ZNF358: variants seen among roughly 807,000 people sequenced by gnomAD.
The protein encoded by ZNF358 is zinc finger protein 358.
ZNF358 carries 1 observed loss-of-function variant against 2.1 expected under a neutral mutation model. The observed-to-expected ratio is 0.49, with a 90% CI of 0.17 to 2.30. The LOEUF (loss-of-function observed/expected upper bound fraction) is 2.30, where lower values mean the gene tolerates loss of function less well. Ranked by LOEUF, ZNF358 falls within the 30% of genes most tolerant of loss-of-function variation. The pLI, the probability that ZNF358 is intolerant of heterozygous loss-of-function variation, is 0.26. For missense variants in ZNF358, 665 were observed against 806.8 expected, an observed-to-expected ratio of 0.82 and a Z score of 2.13; for synonymous variants, 381 against 359.7, an observed-to-expected ratio of 1.06 and a Z score of -0.67.
chr19:7,520,098 A>G lies in ZNF358; in HGVS notation c.856A>G (p.Thr286Ala). 1 of 1,592,972 alleles carries G rather than the reference A, an allele frequency of 6.3e-7. No homozygotes were observed. The highest frequency in any genetic ancestry group is 8.5e-7 in the Non-Finnish European group (1 of 1,176,314). ...GCTGCTCAAACACCTGCGCACGCAC[A>G]CGGGCGAGCGGCCCTACCCGTGTCC... ...SALLKHLRTH[T>A]GERPYPCPQC... Residue 286 changes from threonine to alanine, a missense_variant, in exon 2 of 2, where the codon ACG (threonine) becomes GCG (alanine). Thr to Ala is a moderately conservative substitution (Grantham distance 58). Coordinates refer to ENST00000597229, the MANE Select transcript of ZNF358 (RefSeq NM_018083.5). This position sits in a 1 kb window ranked among gnomAD's most constrained non-coding sequence, Gnocchi z 6.0.
At chr19:7,519,173 C>A (rs550932786) in intron 1 of ZNF358, 32 bp from the exon 2 acceptor site, 345 of 1,544,526 alleles carry the variant, frequency 2.2e-4, no homozygotes, top group South Asian at 1.3e-3. Flanking sequence ...CAGAACCCAC[C>A]TACCCTCTAC....
intron 1 of ZNF358, among the ~76,000 whole-genome samples, chr19:7,517,848 G>A (rs1334145015): frequency 1.3e-5 from 2 of 151,908 alleles, no homozygotes; most frequent in Non-Finnish European, 2.9e-5. Context: ...AGGGATACCT[G>A]ATGTTATTTG....
rs768321971 is a variant in ZNF358 at position 7,520,038 on chromosome 19, C to A, written c.796C>A (p.Pro266Thr). ...CGGCGGCCCGCGGCCCCACAAGTGC[C>A]CGGTGTGCGCCAAGGGCTTCGGCCA... ...THGGPRPHKC[P>T]VCAKGFGQGS... The change falls in exon 2 of 2, where the codon CCG (proline) becomes ACG (threonine). Residue 266 changes from proline (P) to threonine (T), a missense_variant. By Grantham distance (38) the Pro-to-Thr change is conservative (BLOSUM62 -1). Coordinates refer to ENST00000597229, the MANE Select transcript of ZNF358 (RefSeq NM_018083.5). This position sits in a 1 kb window ranked among gnomAD's most constrained non-coding sequence, Gnocchi z 6.0. The A allele has an allele frequency of 6.5e-6, 10 of 1,546,086 alleles. No homozygotes were observed. Among genetic ancestry groups the A allele is most frequent in the Non-Finnish European group, 8.7e-6 (10 of 1,153,440 alleles).
intron 1 of ZNF358, among the ~76,000 whole-genome samples, chr19:7,517,063 C>T (rs1448701841): frequency 6.6e-6 from 1 of 152,142 alleles, no homozygotes; most frequent in African/African-American, 2.4e-5. Flanking sequence ...AGAAGGGGAG[C>T]CACAGGTCCC....
rs1365630893 is a variant in ZNF358 at position 7,516,296 on chromosome 19, G to C, written c.-39+47G>C. The stretch of plus-strand genomic sequence containing the variant: ...CTGGGGCCGGGGCGGGGGGCTGGGT[G>C]GGGGGCGGGCGGGCGGGGGAGCTCC... On this transcript the variant is annotated intron_variant, in intron 1 of 1. Transcript: ENST00000597229. The surrounding 1 kb of genome is among the most constrained non-coding windows in gnomAD (Gnocchi z 5.9). 1.4e-5 allele frequency: 2 copies of C among 140,238 alleles called. No homozygotes were observed. Among genetic ancestry groups the C allele is most frequent in the African/African-American group, 2.6e-5 (1 of 38,628 alleles). 8.7% of individuals were successfully genotyped at this position (140,238 alleles called of 1,614,324 possible). A position where few individuals can be genotyped will look rare whatever the true frequency, so the allele number is the denominator to read the frequency against.
rs756833227 is a variant in ZNF358, at chr19:7,520,613, C to G, written c.1371C>G (p.Ser457Arg). 2 of 1,489,258 alleles carry G rather than the reference C, an allele frequency of 1.3e-6. No individual in the cohort carries two copies. Among genetic ancestry groups the G allele is most frequent in the African/African-American group, 1.4e-5 (1 of 71,854 alleles). 92.3% of individuals were successfully genotyped at this position (1,489,258 alleles called of 1,614,324 possible). A position where few individuals can be genotyped will look rare whatever the true frequency, so the allele number is the denominator to read the frequency against. ...GSGLGLSPGT[S>R]SGRNPDPGSG... Reference sequence around the variant, plus strand: ...GCTTGGGCCTCAGCCCTGGCACCAGCTCTGGCCGCAACCCTGACCCTGGCT... The same window carrying G: ...GCTTGGGCCTCAGCCCTGGCACCAGGTCTGGCCGCAACCCTGACCCTGGCT... The change falls in exon 2 of 2, where the codon AGC becomes AGG. Residue 457 changes from serine (S) to arginine (R), a missense_variant. Ser to Arg is a moderately radical substitution (Grantham distance 110). Around this residue, in one of 3 missense-constraint regions of ZNF358, gnomAD observed 249 missense variants for 227.6 expected, o/e 1.09. Coordinates refer to ENST00000597229, the MANE Select transcript of ZNF358 (RefSeq NM_018083.5). The surrounding 1 kb of genome is among the most constrained non-coding windows in gnomAD (Gnocchi z 6.0).
Position 7,516,411 on chromosome 19 carries a change from C to G in ZNF358, c.-39+162C>G, listed in dbSNP as rs1158665655. On this transcript the variant is annotated intron_variant, in intron 1 of 1. Coordinates refer to ENST00000597229, the MANE Select transcript of ZNF358 (RefSeq NM_018083.5). This position sits in a 1 kb window ranked among gnomAD's most constrained non-coding sequence, Gnocchi z 5.9. ...CCCAGGCGAGCGGGGGTCGCGGGAG[C>G]GATGGGGAGGGGACTCTGCGGCCAG... Among the ~76,000 whole-genome samples the G allele has an allele frequency of 2.0e-5, 3 of 150,742 alleles. No homozygotes were observed. Among genetic ancestry groups the G allele is most frequent in the African/African-American group, 7.3e-5 (3 of 40,968 alleles).
At chr19:7,518,871 CCTGT>C (rs1317995191) in intron 1 of ZNF358, among the ~76,000 whole-genome samples, 1 of 152,050 alleles carries the variant, frequency 6.6e-6, no homozygotes, top group Non-Finnish European at 1.5e-5. Flanking sequence ...TTGAGACCAG[CCTGT>C]CTAACATGCT....
rs756348940 is a variant in ZNF358 at position 7,519,845 on chromosome 19, C to T, written c.603C>T (p.His201=). 304 of 1,532,138 alleles carry T rather than the reference C, an allele frequency of 2.0e-4. No individual in the cohort carries two copies. The highest frequency in any genetic ancestry group is 2.6e-4 in the Non-Finnish European group (297 of 1,145,676). 94.9% of individuals were successfully genotyped at this position (1,532,138 alleles called of 1,614,324 possible). A position where few individuals can be genotyped will look rare whatever the true frequency, so the allele number is the denominator to read the frequency against. The change falls in exon 2 of 2, where the codon CAC becomes CAT. Residue 201 remains histidine (H), a synonymous_variant. Transcript: ENST00000597229. ...CCCTGGCTCAGCACCGTGGCATCCA[C>T]ACTGGGGCGCGGCCGTACCAGTGCG... The part of the protein sequence containing the change: ...GATLAQHRGI[H]TGARPYQCAA...
rs1173788343 is a variant in ZNF358 at position 7,516,621 on chromosome 19, C to G, written c.-39+372C>G. Among the ~76,000 whole-genome samples, 1 of 151,974 alleles carries G rather than the reference C, an allele frequency of 6.6e-6. No individual in the cohort carries two copies. The highest frequency in any genetic ancestry group is 2.4e-5 in the African/African-American group (1 of 41,398). On this transcript the variant is annotated intron_variant, in intron 1 of 1. Coordinates refer to ENST00000597229, the MANE Select transcript of ZNF358 (RefSeq NM_018083.5). This position sits in a 1 kb window ranked among gnomAD's most constrained non-coding sequence, Gnocchi z 5.9. Reference sequence around the variant, plus strand: ...CTGATTCGAGGTATTGTTCCCACCTCCCGCCTGGGGTCTGGAGTTCAGGAG... The same window carrying G: ...CTGATTCGAGGTATTGTTCCCACCTGCCGCCTGGGGTCTGGAGTTCAGGAG...
chr19:7,520,427 G>A lies in ZNF358; in HGVS notation c.1185G>A (p.Arg395=), dbSNP rs1331894084. ...GQASSLTKHK[R]VHEGAAAAAA... ...CCTCCAGCCTCACCAAGCACAAACG[G>A]GTGCATGAGGGTGCAGCCGCTGCTG... The change falls in exon 2 of 2, where the codon CGG becomes CGA. Residue 395 remains arginine, a synonymous_variant. Coordinates refer to ENST00000597229, the MANE Select transcript of ZNF358 (RefSeq NM_018083.5). The surrounding 1 kb of genome is among the most constrained non-coding windows in gnomAD (Gnocchi z 6.0). The A allele has an allele frequency of 2.5e-6, 4 of 1,605,370 alleles. No individual in the cohort carries two copies. In the Middle Eastern group the frequency reaches 7.1e-4, roughly 285 times the overall value.
chr19:7,520,460 C>G lies in ZNF358; in HGVS notation c.1218C>G (p.Ala406=). 8.7e-7 allele frequency: 1 copy of G among 1,153,334 alleles called. No individual in the cohort carries two copies. Among genetic ancestry groups the G allele is most frequent in the Non-Finnish European group, 1.2e-6 (1 of 858,186 alleles). 71.4% of individuals were successfully genotyped at this position (1,153,334 alleles called of 1,614,324 possible). A position where few individuals can be genotyped will look rare whatever the true frequency, so the allele number is the denominator to read the frequency against. Reference sequence around the variant, plus strand: ...AGGGTGCAGCCGCTGCTGCAGCTGCCGCGGCCGCTGCAGCTGCAGCAGCGG... The same window carrying G: ...AGGGTGCAGCCGCTGCTGCAGCTGCGGCGGCCGCTGCAGCTGCAGCAGCGG... ...VHEGAAAAAA[A]AAAAAAAAAA... The change falls in exon 2 of 2, where the codon GCC becomes GCG. Residue 406 remains alanine (A), a synonymous_variant. Coordinates refer to ENST00000597229, the MANE Select transcript of ZNF358 (RefSeq NM_018083.5). The surrounding 1 kb of genome is among the most constrained non-coding windows in gnomAD (Gnocchi z 6.0).
intron 1 of ZNF358, among the ~76,000 whole-genome samples, chr19:7,518,990 G>A (rs1247769324): frequency 6.6e-6 from 1 of 150,578 alleles, no homozygotes; most frequent in Non-Finnish European, 1.5e-5. Flanking sequence ...GTTTGAACCT[G>A]GGAGGCGGAG....
In ZNF358 at chr19:7,519,320, C is replaced by T. The variant is rs370737544; in HGVS notation, c.78C>T (p.Ser26=). ...TTTATGAAGAGCTCGACTCTGACTC[C>T]GAGGACCTAGACCCCAATCCTGAAG... ...RPVYEELDSD[S]EDLDPNPEDL... is the part of the protein sequence containing the mutation. Residue 26 remains serine, a synonymous_variant, in exon 2 of 2, where the codon TCC becomes TCT. Coordinates refer to ENST00000597229, the MANE Select transcript of ZNF358 (RefSeq NM_018083.5). 13 of 1,613,962 alleles carry T rather than the reference C, an allele frequency of 8.1e-6. No individual in the cohort carries two copies. The highest frequency in any genetic ancestry group is 2.2e-5 in the South Asian group (2 of 91,084).
intron 1 of ZNF358, among the ~76,000 whole-genome samples, chr19:7,517,613 C>T (rs1024148827): frequency 2.5e-4 from 38 of 152,018 alleles, no homozygotes; most frequent in African/African-American, 9.2e-4. Flanking sequence ...CACCATCCTG[C>T]CTATGGGGTT....
Position 7,519,226 on chromosome 19 carries a change from G to T in ZNF358, c.-17G>T. ...GCAGGTCTTGCCCCAGAAGCTGCGG[G>T]CACATCCACGCCTGAAATGCGGCGC... On this transcript the variant is annotated 5_prime_UTR_variant, in exon 2 of 2. Coordinates refer to ENST00000597229, the MANE Select transcript of ZNF358 (RefSeq NM_018083.5). The T allele has an allele frequency of 6.2e-7, 1 of 1,607,970 alleles. No homozygotes were observed. Among genetic ancestry groups the T allele is most frequent in the Non-Finnish European group, 8.5e-7 (1 of 1,176,948 alleles).
Position 7,519,219 on chromosome 19 carries a change from G to A in ZNF358, c.-24G>A, listed in dbSNP as rs536971019. 8 of 1,605,174 alleles carry A rather than the reference G, an allele frequency of 5.0e-6. No homozygotes were observed. The African/African-American group carries it at 8.0e-5, about 16-fold the overall frequency. On this transcript the variant is annotated 5_prime_UTR_variant, in exon 2 of 2. Transcript: ENST00000597229. ...TGCCCTTGCAGGTCTTGCCCCAGAA[G>A]CTGCGGGCACATCCACGCCTGAAAT... is the stretch of plus-strand genomic sequence containing the variant.
At position 7,516,340 on chromosome 19, in the gene ZNF358, G is replaced by C. The variant is rs1397118003; in HGVS notation, c.-39+91G>C. 6.7e-6 allele frequency: 1 copy of C among 148,706 alleles called. No homozygotes were observed. Among genetic ancestry groups the C allele is most frequent in the Non-Finnish European group, 1.5e-5 (1 of 66,262 alleles). The allele number at this position is 148,706 out of a possible 1,614,324, so 9.2% of individuals were successfully genotyped here. On this transcript the variant is annotated intron_variant, in intron 1 of 1. Coordinates refer to ENST00000597229, the MANE Select transcript of ZNF358 (RefSeq NM_018083.5). This position sits in a 1 kb window ranked among gnomAD's most constrained non-coding sequence, Gnocchi z 5.9. Reference sequence around the variant, plus strand: ...GAGCTCCAGGCGCGGGGCGCAGCCCGGGGCGACCTCTAATCGTCCCCCGCC... The same window carrying C: ...GAGCTCCAGGCGCGGGGCGCAGCCCCGGGCGACCTCTAATCGTCCCCCGCC...
chr19:7,518,594 A>T (rs571834041), intron 1 of ZNF358, among the ~76,000 whole-genome samples: 4 of 150,284 alleles, frequency 2.7e-5, no homozygotes, highest in South Asian at 2.1e-4. Context: ...AAAGAAAGAA[A>T]GAAAGAATTG....
Sources: gnomAD v4.1 joint callset for allele counts (sites outside exome capture counted in the v4.1 genomes callset) on GRCh38, gnomAD v4.1.1 for gene constraint, gnomAD v4.1.1 regional missense constraint, Gnocchi (gnomAD v3.1) non-coding constraint, MANE v1.5 for transcripts, NCBI Gene and HGNC (gene_info 2026-07-23, HGNC 2026-07-21) for gene names.